The following SDHB variants were observed in gnomAD, a reference collection of about 807,000 sequenced individuals.
The protein encoded by SDHB is succinate dehydrogenase complex iron sulfur subunit B, also known as succinate dehydrogenase [ubiquinone] iron-sulfur subunit, mitochondrial.
A neutral mutation model predicts 39.7 loss-of-function variants in SDHB; 21 were observed. The ratio of observed to expected loss-of-function variants is 0.53; its 90% CI spans 0.37 to 0.76. SDHB has a LOEUF of 0.76. Ranked by LOEUF, SDHB falls within the 30% of genes least tolerant of loss-of-function variation. The pLI, the probability that SDHB is intolerant of heterozygous loss-of-function variation, is 0.00. For synonymous variants in SDHB, 118 were observed against 117.0 expected (o/e 1.01, Z -0.06); for missense variants, 343 against 350.9 (o/e 0.98, Z 0.18).
chr1:17,044,888 C>G lies in SDHB; in HGVS notation c.73G>C (p.Ala25Pro), dbSNP rs768101924. Reference sequence around the variant, plus strand: ...GCAGCTGTCTGGGCTCCTCGGGAGGCCTGAAATTTTTTAAAGTTCACAAAA... The same window carrying G: ...GCAGCTGTCTGGGCTCCTCGGGAGGGCTGAAATTTTTTAAAGTTCACAAAA... ...ATTLGGACLQ[A>P]SRGAQTAAAT... Residue 25 changes from alanine to proline, a missense_variant and splice_region_variant, in exon 2 of 8, where the codon GCC becomes CCC. By Grantham distance (27) the Ala-to-Pro change is conservative. Coordinates refer to ENST00000375499, the MANE Select transcript of SDHB (RefSeq NM_003000.3). The G allele has an allele frequency of 3.7e-6, 6 of 1,613,050 alleles. No individual in the cohort carries two copies. Among genetic ancestry groups the G allele is most frequent in the Admixed American group, 1.7e-5 (1 of 59,956 alleles).
At chr1:17,033,857 G>A (rs1191170556) in intron 2 of SDHB, among the ~76,000 whole-genome samples, 1 of 152,222 alleles carries the variant, frequency 6.6e-6, no homozygotes, top group Admixed American at 6.5e-5. Context: ...AGCAGCATCT[G>A]ACATATAAAT....
chr1:17,042,306 G>C (rs2078084613), intron 2 of SDHB, among the ~76,000 whole-genome samples: 1 of 152,150 alleles, frequency 6.6e-6, no homozygotes, highest in Non-Finnish European at 1.5e-5. Flanking sequence ...ATTCTTCCAA[G>C]TATCAACTCC....
At chr1:17,024,549 C>T (rs1364387493) in intron 5 of SDHB, among the ~76,000 whole-genome samples, 2 of 152,168 alleles carry the variant, frequency 1.3e-5, no homozygotes, top group African/African-American at 2.4e-5. Context: ...CCAATCCTGA[C>T]GGAGGCCCTG....
At chr1:17,039,156 T>C (rs531293966) in intron 2 of SDHB, among the ~76,000 whole-genome samples, 1 of 152,264 alleles carries the variant, frequency 6.6e-6, no homozygotes, top group South Asian at 2.1e-4. Flanking sequence ...TTTTACTATT[T>C]GTTCCATCAT....
chr1:17,036,752 ATATT>A (rs1024651943), intron 2 of SDHB, among the ~76,000 whole-genome samples: 7 of 146,444 alleles, frequency 4.8e-5, no homozygotes, highest in Non-Finnish European at 7.5e-5. Flanking sequence ...ATAAATATAA[ATATT>A]TATATAAATA....
intron 7 of SDHB, among the ~76,000 whole-genome samples, chr1:17,022,018 C>T (rs74764087): frequency 4.9e-4 from 75 of 152,302 alleles, no homozygotes; most frequent in African/African-American, 1.5e-3. Flanking sequence ...TGGGCCAATG[C>T]GACACCCTCT....
At chr1:17,049,073 C>G (rs1008229895) in intron 1 of SDHB, among the ~76,000 whole-genome samples, 1 of 152,068 alleles carries the variant, frequency 6.6e-6, no homozygotes, top group African/African-American at 2.4e-5. Context: ...GATCATGGCT[C>G]ACTGCAGCCT....
At chr1:17,046,565 C>T (rs1035714680) in intron 1 of SDHB, among the ~76,000 whole-genome samples, 3 of 152,144 alleles carry the variant, frequency 2.0e-5, no homozygotes, top group African/African-American at 7.2e-5. Flanking sequence ...CAGCTATCAT[C>T]ACGAGTCTGC....
chr1:17,035,446 G>A (rs1234652718), intron 2 of SDHB, among the ~76,000 whole-genome samples: 1 of 152,038 alleles, frequency 6.6e-6, no homozygotes, highest in East Asian at 1.9e-4. Context: ...AGTCTGTTTT[G>A]TTGCTACATT....
At chr1:17,026,268 C>A (rs2077990455) in intron 5 of SDHB, among the ~76,000 whole-genome samples, 1 of 152,238 alleles carries the variant, frequency 6.6e-6, no homozygotes, top group South Asian at 2.1e-4. Context: ...GCTCTGAAGT[C>A]TCATCCCAGG....
At chr1:17,044,676 T>C in intron 2 of SDHB, 85 bp downstream of exon 2, 1 of 1,490,918 alleles carries the variant, frequency 6.7e-7, no homozygotes, top group Non-Finnish European at 9.3e-7. Flanking sequence ...CTCAGATTTT[T>C]AAGCCTTCCA....
At chr1:17,041,340 A>C (rs1306005756) in intron 2 of SDHB, among the ~76,000 whole-genome samples, 1 of 152,102 alleles carries the variant, frequency 6.6e-6, no homozygotes, top group East Asian at 1.9e-4. Flanking sequence ...TTTCATTATG[A>C]GCATAATTTC....
At chr1:17,021,471 G>A (rs1421151137) in intron 7 of SDHB, among the ~76,000 whole-genome samples, 1 of 151,986 alleles carries the variant, frequency 6.6e-6, no homozygotes, top group African/African-American at 2.4e-5. Context: ...GGGGCCGGTC[G>A]CGGTGGCTCA....
chr1:17,024,158 G>A, intron 5 of SDHB, 84 bp from the exon 6 acceptor site: 1 of 944,650 alleles, frequency 1.1e-6, no homozygotes, highest in Non-Finnish European at 1.7e-6. Context: ...TACCTTTGGG[G>A]TCAGTGCATG....
intron 1 of SDHB, chr1:17,052,482 G>A (rs1035928055): frequency 6.6e-6 from 1 of 152,214 alleles, no homozygotes; most frequent in African/African-American, 2.4e-5. Flanking sequence ...TTACAAAAAT[G>A]ACCTATGAAA....
intron 1 of SDHB, among the ~76,000 whole-genome samples, chr1:17,048,945 A>C (rs1570960503): frequency 6.6e-6 from 1 of 152,106 alleles, no homozygotes; most frequent in East Asian, 1.9e-4. Context: ...TCCTGACCTC[A>C]GGTGATCCGC....
At position 17,054,025 on chromosome 1, in the gene SDHB, C is replaced by T. The variant is rs2295056; in HGVS notation, c.-6G>A. ...AGGGCGACCACCGCCGCCATCTTGG[C>T]TCCTGACGTCAGCCCCACCCCTTAA... On this transcript the variant is annotated 5_prime_UTR_variant, in exon 1 of 8. Coordinates refer to ENST00000375499, the MANE Select transcript of SDHB (RefSeq NM_003000.3). The T allele has an allele frequency of 3.0e-5, 48 of 1,607,708 alleles. No individual in the cohort carries two copies. In the East Asian group the frequency reaches 9.4e-4, roughly 31 times the overall value.
At chr1:17,032,224 T>C (rs748244873) in intron 3 of SDHB, among the ~76,000 whole-genome samples, 15 of 151,296 alleles carry the variant, frequency 9.9e-5, no homozygotes, top group Non-Finnish European at 1.0e-4. Flanking sequence ...TTTTTGAGAC[T>C]GTCTCGCTCT....
chr1:17,031,901 A>C (rs533908747), intron 3 of SDHB, among the ~76,000 whole-genome samples: 20 of 152,224 alleles, frequency 1.3e-4, no homozygotes, highest in African/African-American at 4.6e-4. Flanking sequence ...GTCACTCTCT[A>C]TGTGTCCTTG....
Sources: allele counts gnomAD v4.1 joint callset (sites outside exome capture counted in the v4.1 genomes callset), GRCh38; gene constraint gnomAD v4.1.1; transcripts MANE v1.5; gene names NCBI Gene and HGNC (gene_info 2026-07-23, HGNC 2026-07-21).